The following SPATA6 variants were observed in gnomAD, a reference collection of about 807,000 sequenced individuals.
SPATA6 encodes the protein spermatogenesis associated 6.
Under a neutral mutation model 65.3 loss-of-function variants are expected in SPATA6, and 56 were observed. The ratio of observed to expected loss-of-function variants is 0.86; its 90% CI spans 0.69 to 1.07. The LOEUF (loss-of-function observed/expected upper bound fraction) is 1.07, where lower values mean the gene tolerates loss of function less well. SPATA6 is among the 50% of genes least tolerant of loss of function. The pLI is 0.00. For synonymous variants in SPATA6, 199 were observed against 213.2 expected (o/e 0.93, Z 0.58); for missense variants, 590 against 594.8 (o/e 0.99, Z 0.08).
chr1:48,310,540 C>G (rs1273297295), intron 11 of SPATA6, among the ~76,000 whole-genome samples: 1 of 152,094 alleles, frequency 6.6e-6, no homozygotes, highest in East Asian at 1.9e-4. Flanking sequence ...TTGTGAGAGC[C>G]CCCTAGGACT....
At chr1:48,359,818 T>A in intron 9 of SPATA6, 48 bp from the exon 10 acceptor site, 1 of 1,418,242 alleles carries the variant, frequency 7.1e-7, no homozygotes, top group Non-Finnish European at 9.5e-7. Flanking sequence ...CAGATACATA[T>A]GTATATAACA....
chr1:48,316,673 T>A (rs1199097799), intron 11 of SPATA6, among the ~76,000 whole-genome samples: 1 of 152,092 alleles, frequency 6.6e-6, no homozygotes, highest in East Asian at 1.9e-4. Flanking sequence ...AAAGCCAAAA[T>A]TGACAAATGG....
chr1:48,406,051 A>C (rs1429588394), intron 5 of SPATA6, among the ~76,000 whole-genome samples: 4 of 151,980 alleles, frequency 2.6e-5, no homozygotes, highest in Non-Finnish European at 4.4e-5. Flanking sequence ...CAATCAGAAG[A>C]CATATGACCT....
chr1:48,387,654 G>T (rs554118429), intron 8 of SPATA6, among the ~76,000 whole-genome samples: 1 of 152,114 alleles, frequency 6.6e-6, no homozygotes, highest in African/African-American at 2.4e-5. Flanking sequence ...AGACAGGCCT[G>T]ACTCTGCCCC....
the SPATA6 span, among the ~76,000 whole-genome samples, chr1:48,286,302 C>A: frequency 6.6e-6 from 1 of 151,728 alleles, no homozygotes; most frequent in African/African-American, 2.4e-5. Context: ...CTCTTTTAAT[C>A]CATAAACATA....
chr1:48,364,573 T>C (rs972240684), intron 9 of SPATA6, among the ~76,000 whole-genome samples: 4 of 152,242 alleles, frequency 2.6e-5, no homozygotes, highest in African/African-American at 7.2e-5. Flanking sequence ...CATTTTTTCA[T>C]GTGTTTTTTG....
At chr1:48,469,889 A>G (rs143797718) in intron 1 of SPATA6, among the ~76,000 whole-genome samples, 1 of 152,210 alleles carries the variant, frequency 6.6e-6, no homozygotes, top group East Asian at 1.9e-4. Flanking sequence ...TTGTTCAAAA[A>G]TTCGGGAACA....
chr1:48,324,082 T>C (rs1238515743), intron 11 of SPATA6, among the ~76,000 whole-genome samples: 1 of 152,010 alleles, frequency 6.6e-6, no homozygotes, highest in Non-Finnish European at 1.5e-5. Flanking sequence ...CCCAAGTAGC[T>C]AGGACAACAG....
At chr1:48,435,930 G>A in intron 3 of SPATA6, 1 of 1,566,880 alleles carries the variant, frequency 6.4e-7, no homozygotes, top group Admixed American at 1.7e-5. Flanking sequence ...GGAATAGATG[G>A]ATTTTTGTCA....
At chr1:48,456,671 T>C (rs1657030678) in intron 1 of SPATA6, among the ~76,000 whole-genome samples, 1 of 151,860 alleles carries the variant, frequency 6.6e-6, no homozygotes, top group Admixed American at 6.6e-5. Flanking sequence ...GAAATATCAA[T>C]AAAGAGATAA....
intron 1 of SPATA6, among the ~76,000 whole-genome samples, chr1:48,468,488 G>C (rs1185972213): frequency 6.6e-6 from 1 of 152,060 alleles, no homozygotes; most frequent in Non-Finnish European, 1.5e-5. Flanking sequence ...TTTTGCTACA[G>C]GTATGTACAC....
chr1:48,409,611 G>A (rs1195529346), intron 5 of SPATA6, among the ~76,000 whole-genome samples: 3 of 152,234 alleles, frequency 2.0e-5, no homozygotes, highest in African/African-American at 7.2e-5. Context: ...CCTCGCCCCT[G>A]CAGCAAACTT....
At chr1:48,352,786 T>C (rs968183) in intron 11 of SPATA6, among the ~76,000 whole-genome samples, 13,792 of 150,768 alleles carry the variant, frequency 0.091, 813 homozygotes, top group South Asian at 0.15. Flanking sequence ...CTATGTCAAA[T>C]AGCAAATCTT....
chr1:48,277,224 C>G, the SPATA6 span, among the ~76,000 whole-genome samples: 1 of 151,772 alleles, frequency 6.6e-6, no homozygotes, highest in Non-Finnish European at 1.5e-5. Context: ...AGGAACCGCT[C>G]CGGTCTACAG....
chr1:48,403,209 T>C, intron 6 of SPATA6, among the ~76,000 whole-genome samples: 1 of 151,712 alleles, frequency 6.6e-6, no homozygotes, highest in Non-Finnish European at 1.5e-5. Flanking sequence ...ACAAATGGAG[T>C]ATTAGATCCA....
chr1:48,376,335 A>G (rs1647903984), intron 9 of SPATA6, among the ~76,000 whole-genome samples: 1 of 152,178 alleles, frequency 6.6e-6, no homozygotes, highest in Non-Finnish European at 1.5e-5. Flanking sequence ...CCTAAACAAG[A>G]TAAACAGGAA....
intron 3 of SPATA6, among the ~76,000 whole-genome samples, chr1:48,431,505 G>T (rs1654401159): frequency 6.6e-6 from 1 of 152,038 alleles, no homozygotes; most frequent in South Asian, 2.1e-4. Flanking sequence ...TATATATGGG[G>T]CATTTTCTAG....
intron 1 of SPATA6, among the ~76,000 whole-genome samples, chr1:48,467,669 G>A (rs561661925): frequency 2.6e-5 from 4 of 152,060 alleles, no homozygotes; most frequent in South Asian, 4.2e-4. Context: ...TCTGATAAGC[G>A]GTTAATATCC....
At chr1:48,340,025 T>C (rs1460771984) in intron 11 of SPATA6, among the ~76,000 whole-genome samples, 2 of 151,614 alleles carry the variant, frequency 1.3e-5, no homozygotes, top group African/African-American at 2.4e-5. Context: ...CAGAGATAAA[T>C]GACATTACCT....
Sources: gnomAD v4.1 joint callset for allele counts (sites outside exome capture counted in the v4.1 genomes callset) on GRCh38, gnomAD v4.1.1 for gene constraint, MANE v1.5 for transcripts, NCBI Gene and HGNC (gene_info 2026-07-23, HGNC 2026-07-21) for gene names.